DOCK2: variants seen among roughly 807,000 people sequenced by gnomAD.
DOCK2 encodes the protein dedicator of cytokinesis 2.
DOCK2 carries 87 observed loss-of-function variants against 248.9 expected under a neutral mutation model. The ratio of observed to expected loss-of-function variants is 0.35; its 90% CI spans 0.29 to 0.42. DOCK2 has a LOEUF of 0.42. Ranked by LOEUF, DOCK2 falls within the 10% of genes least tolerant of loss-of-function variation. The pLI is 1.00. For missense variants in DOCK2, 1,747 were observed against 2,300.2 expected (o/e 0.76, Z 4.92); for synonymous variants, 805 against 821.6 (o/e 0.98, Z 0.35).
chr5:169,877,660 T>C (rs1268653800), intron 27 of DOCK2, among the ~76,000 whole-genome samples: 1 of 144,288 alleles, frequency 6.9e-6, no homozygotes, highest in African/African-American at 2.9e-5. Flanking sequence ...AAATTTTAGA[T>C]AGATAGATAG....
At chr5:169,721,767 G>C (rs1475745857) in intron 22 of DOCK2, among the ~76,000 whole-genome samples, 1 of 152,186 alleles carries the variant, frequency 6.6e-6, no homozygotes, top group Non-Finnish European at 1.5e-5. Flanking sequence ...CGTATAGTTG[G>C]GTAAGGAAAG....
At chr5:169,982,994 A>G in intron 27 of DOCK2, 74 bp from the exon 28 acceptor site, 1 of 1,424,914 alleles carries the variant, frequency 7.0e-7, no homozygotes, top group Middle Eastern at 1.8e-4. Flanking sequence ...AGCCATAAGG[A>G]GACATTTTCT....
intron 25 of DOCK2, among the ~76,000 whole-genome samples, chr5:169,769,747 C>T (rs1217664060): frequency 6.6e-6 from 1 of 152,172 alleles, no homozygotes; most frequent in African/African-American, 2.4e-5. Flanking sequence ...AGACACAGCT[C>T]CAGGAGCCTG....
At chr5:170,034,699 GCGC>G in intron 35 of DOCK2, 144 bp downstream of exon 35, 1 of 1,192,094 alleles carries the variant, frequency 8.4e-7, no homozygotes. Flanking sequence ...AACGTCTGCT[GCGC>G]TTTCTGCTAG....
At chr5:169,695,774 T>C (rs1303550109) in intron 9 of DOCK2, 29 bp from the exon 10 acceptor site, 1 of 1,612,590 alleles carries the variant, frequency 6.2e-7, no homozygotes, top group East Asian at 2.2e-5. Flanking sequence ...CAGCACATGA[T>C]GGTCAATTTT....
At chr5:169,930,376 A>T (rs1775689051) in intron 27 of DOCK2, among the ~76,000 whole-genome samples, 1 of 152,220 alleles carries the variant, frequency 6.6e-6, no homozygotes, top group African/African-American at 2.4e-5. Flanking sequence ...TTATGCACTC[A>T]CGACTGGGGT....
At chr5:169,816,180 A>C (rs1166116811) in intron 26 of DOCK2, among the ~76,000 whole-genome samples, 1 of 152,112 alleles carries the variant, frequency 6.6e-6, no homozygotes, top group Non-Finnish European at 1.5e-5. Flanking sequence ...CCTTAAGTGA[A>C]ATGAGTTAAG....
At chr5:169,895,512 G>A (rs556802798) in intron 27 of DOCK2, among the ~76,000 whole-genome samples, 16 of 152,158 alleles carry the variant, frequency 1.1e-4, no homozygotes, top group Middle Eastern at 3.4e-3. Flanking sequence ...AAAGCAGCCA[G>A]CAGCCAGCAT....
intron 1 of DOCK2, among the ~76,000 whole-genome samples, chr5:169,647,706 T>C (rs1362584092): frequency 6.6e-6 from 1 of 152,078 alleles, no homozygotes; most frequent in African/African-American, 2.4e-5. Flanking sequence ...CCCCACCTCC[T>C]TGGGGGCTCT....
chr5:169,741,803 A>ATTTT (rs33955559), intron 22 of DOCK2, among the ~76,000 whole-genome samples: 3 of 82,396 alleles, frequency 3.6e-5, no homozygotes, highest in Admixed American at 1.6e-4. Context: ...ATCTTTTACT[A>ATTTT]TTTTTTTTTT....
At chr5:169,805,262 T>A (rs940579727) in intron 26 of DOCK2, among the ~76,000 whole-genome samples, 5 of 146,896 alleles carry the variant, frequency 3.4e-5, no homozygotes, top group African/African-American at 1.3e-4. Context: ...ATTTGCCGGG[T>A]GTGGTGGCAT....
intron 45 of DOCK2, 48 bp from the exon 46 acceptor site, chr5:170,069,089 A>G: frequency 1.9e-6 from 3 of 1,564,016 alleles, no homozygotes; most frequent in Non-Finnish European, 2.6e-6. Flanking sequence ...ATTGGCTGTG[A>G]AATGCCACAT....
intron 44 of DOCK2, among the ~76,000 whole-genome samples, chr5:170,059,719 C>T (rs1757262489): frequency 6.6e-6 from 1 of 152,206 alleles, no homozygotes; most frequent in Non-Finnish European, 1.5e-5. Context: ...ACAACTGATG[C>T]TAACTAAAGA....
chr5:169,993,404 T>A (rs1227907337), intron 29 of DOCK2, among the ~76,000 whole-genome samples: 1 of 152,098 alleles, frequency 6.6e-6, no homozygotes, highest in Non-Finnish European at 1.5e-5. Flanking sequence ...TCCAGAGGGG[T>A]CTGAAGCCAC....
intron 43 of DOCK2, chr5:170,057,328 T>C (rs1757166440): frequency 1.9e-6 from 1 of 537,048 alleles, no homozygotes. Context: ...TGCCTAAAAA[T>C]TCAGACTGCT....
chr5:169,761,165 C>T (rs1374193416), intron 24 of DOCK2: 1 of 160,712 alleles, frequency 6.2e-6, no homozygotes, highest in Non-Finnish European at 1.4e-5. Context: ...AAAAGTTAGC[C>T]TTTCTAAACC....
intron 27 of DOCK2, among the ~76,000 whole-genome samples, chr5:169,934,182 G>A (rs1775883360): frequency 6.6e-6 from 1 of 152,144 alleles, no homozygotes; most frequent in Non-Finnish European, 1.5e-5. Context: ...AGGTACTGGG[G>A]CGGGGCTTAT....
intron 39 of DOCK2, among the ~76,000 whole-genome samples, chr5:170,047,219 C>T (rs775141163): frequency 2.0e-5 from 3 of 152,154 alleles, no homozygotes; most frequent in Non-Finnish European, 2.9e-5. Flanking sequence ...TGCTTACTGG[C>T]TGCTTTACGA....
rs565112259 is a variant in DOCK2 at position 169,819,870 on chromosome 5, G to C, written c.2703+16664G>C. ...AGGGGTCAGGGAATTCCCTTTCCTA[G>C]CCAAGTAAAGCTGTGACAGAAGGCA... On this transcript the variant is annotated intron_variant, in intron 26 of 51. Coordinates refer to ENST00000520908, the MANE Select transcript of DOCK2 (RefSeq NM_004946.3). Among the ~76,000 whole-genome samples the C allele has an allele frequency of 2.7e-4, 41 of 152,300 alleles. 1 individual carries two copies. In the South Asian group the frequency reaches 8.1e-3, roughly 30 times the overall value.
Sources: allele counts gnomAD v4.1 joint callset (sites outside exome capture counted in the v4.1 genomes callset), GRCh38; gene constraint gnomAD v4.1.1; transcripts MANE v1.5; gene names NCBI Gene and HGNC (gene_info 2026-07-23, HGNC 2026-07-21).